The following SMAD1 variants were observed in gnomAD, a reference collection of about 807,000 sequenced individuals.
SMAD1 encodes SMAD family member 1.
A neutral mutation model predicts 41.6 loss-of-function variants in SMAD1; 6 were observed. The observed-to-expected ratio is 0.14, with a 90% CI of 0.08 to 0.28. The LOEUF is 0.28. Among genes scored for constraint, SMAD1 ranks in the 10% least tolerant of loss-of-function variants. The probability of loss-of-function intolerance (pLI) is 1.00; values close to 1 mark genes in which losing one functional copy is unlikely to be tolerated. For synonymous variants in SMAD1, 206 were observed against 203.2 expected, an observed-to-expected ratio of 1.01 and a Z score of -0.12; for missense variants, 379 against 582.6, an observed-to-expected ratio of 0.65 and a Z score of 3.60.
intron 1 of SMAD1, among the ~76,000 whole-genome samples, chr4:145,485,271 T>C (rs1281105106): frequency 6.6e-6 from 1 of 152,192 alleles, no homozygotes; most frequent in Non-Finnish European, 1.5e-5. Flanking sequence ...AGACAGGGTT[T>C]CGTCATGTTG....
At chr4:145,509,526 T>A (rs2126381876) in intron 1 of SMAD1, among the ~76,000 whole-genome samples, 1 of 152,332 alleles carries the variant, frequency 6.6e-6, no homozygotes, top group East Asian at 1.9e-4. Context: ...AGCCCCAAGT[T>A]ATTTTGATGC....
At chr4:145,552,601 C>A (rs1195220971) in intron 5 of SMAD1, among the ~76,000 whole-genome samples, 1 of 152,170 alleles carries the variant, frequency 6.6e-6, no homozygotes, top group Admixed American at 6.5e-5. Context: ...TAATTTTACA[C>A]ACACAGTATG....
intron 1 of SMAD1, among the ~76,000 whole-genome samples, chr4:145,508,055 T>C (rs2126373758): frequency 6.6e-6 from 1 of 151,700 alleles, no homozygotes; most frequent in South Asian, 2.1e-4. Context: ...CTGGCTTCTA[T>C]AATGTTTGGA....
At chr4:145,485,193 C>G (rs909702038) in intron 1 of SMAD1, among the ~76,000 whole-genome samples, 1 of 152,140 alleles carries the variant, frequency 6.6e-6, no homozygotes, top group Non-Finnish European at 1.5e-5. Context: ...TTCAGCCTCC[C>G]AAGTTGCTGG....
chr4:145,545,192 A>C (rs564159555), intron 4 of SMAD1: 3 of 152,160 alleles, frequency 2.0e-5, no homozygotes, highest in Non-Finnish European at 2.9e-5. Context: ...TTCATTCATT[A>C]CATATTGTCT....
At position 145,507,979 on chromosome 4, in the gene SMAD1, A is replaced by C. The variant is rs147943430; in HGVS notation, c.-176-6459A>C. 5.0e-3 allele frequency among the ~76,000 whole-genome samples: 767 copies of C among 151,992 alleles called. 11 individuals are homozygous for C. The highest frequency in any genetic ancestry group is 0.017 in the African/African-American group (685 of 41,462). ...CATTTTGTTTTGTCTGGGCATGTTT[A>C]TATGCAAAGTGCTGTGATCTTTCAC... is the stretch of plus-strand genomic sequence containing the variant. On this transcript the variant is annotated intron_variant, in intron 1 of 6. Coordinates refer to ENST00000302085, the MANE Select transcript of SMAD1 (RefSeq NM_005900.3).
At chr4:145,530,767 G>C (rs941032420) in intron 2 of SMAD1, among the ~76,000 whole-genome samples, 1 of 152,072 alleles carries the variant, frequency 6.6e-6, no homozygotes, top group African/African-American at 2.4e-5. Context: ...GATGGAAAAA[G>C]AATTTAAAAA....
intron 1 of SMAD1, among the ~76,000 whole-genome samples, chr4:145,501,590 GGA>G (rs1394479553): frequency 4.6e-5 from 7 of 151,864 alleles, no homozygotes; most frequent in Admixed American, 3.3e-4. Context: ...TGAGATCAGT[GGA>G]GCGAGAGAAA....
chr4:145,514,949 T>A lies in SMAD1; in HGVS notation c.336T>A (p.Pro112=). 1 of 1,613,996 alleles carries A rather than the reference T, an allele frequency of 6.2e-7. No homozygotes were observed. Among genetic ancestry groups the A allele is most frequent in the Non-Finnish European group, 8.5e-7 (1 of 1,179,988 alleles). ...ELKPLECCEF[P]FGSKQKEVCI... is the part of the protein sequence containing the mutation. ...AACCACTGGAATGCTGTGAGTTTCCTTTTGGTTCCAAGCAGAAGGAGGTCT... is the reference window on the plus strand; with the variant it reads ...AACCACTGGAATGCTGTGAGTTTCCATTTGGTTCCAAGCAGAAGGAGGTCT... The change falls in exon 2 of 7, where the codon CCT becomes CCA. Residue 112 remains proline (P), a synonymous_variant. Transcript: ENST00000302085. The surrounding 1 kb of genome is among the most constrained non-coding windows in gnomAD (Gnocchi z 4.7).
At chr4:145,524,776 G>T (rs548811493) in intron 2 of SMAD1, among the ~76,000 whole-genome samples, 3 of 82,762 alleles carry the variant, frequency 3.6e-5, no homozygotes, top group African/African-American at 1.5e-4. Flanking sequence ...GCCAGCAGCT[G>T]TTAAAAAGAA....
At chr4:145,511,861 C>T (rs1730096590) in intron 1 of SMAD1, among the ~76,000 whole-genome samples, 1 of 152,216 alleles carries the variant, frequency 6.6e-6, no homozygotes, top group African/African-American at 2.4e-5. Context: ...AGCTCTTCCT[C>T]ATTTCCTGCA....
chr4:145,554,567 A>G (rs1028858701), intron 6 of SMAD1, among the ~76,000 whole-genome samples: 2 of 152,196 alleles, frequency 1.3e-5, no homozygotes, highest in Non-Finnish European at 2.9e-5. Flanking sequence ...CTTACAATTC[A>G]GAAGTTAATA....
intron 1 of SMAD1, among the ~76,000 whole-genome samples, chr4:145,504,303 A>G (rs116349959): frequency 0.023 from 3,530 of 152,274 alleles, 68 homozygotes; most frequent in Middle Eastern, 0.041. Flanking sequence ...ATCAAAGAAC[A>G]TTGCTACTTT....
At chr4:145,521,766 A>G (rs893032195) in intron 2 of SMAD1, among the ~76,000 whole-genome samples, 2 of 152,128 alleles carry the variant, frequency 1.3e-5, no homozygotes, top group Non-Finnish European at 2.9e-5. Flanking sequence ...ATCAATGTCA[A>G]TATTTTGATT....
intron 2 of SMAD1, among the ~76,000 whole-genome samples, chr4:145,517,484 C>A (rs1322210452): frequency 2.0e-5 from 3 of 152,040 alleles, no homozygotes; most frequent in Non-Finnish European, 2.9e-5. Flanking sequence ...TTAGAATGTT[C>A]TTCACACTTA....
chr4:145,513,114 C>T (rs926817627), intron 1 of SMAD1: 2 of 152,218 alleles, frequency 1.3e-5, no homozygotes, highest in Non-Finnish European at 2.9e-5. Context: ...TAGTTTTTAG[C>T]CTCTTAGTTA....
chr4:145,536,049 T>C (rs1343212801), intron 2 of SMAD1, among the ~76,000 whole-genome samples: 3 of 152,110 alleles, frequency 2.0e-5, no homozygotes, highest in Non-Finnish European at 2.9e-5. Context: ...ATTTTATAAT[T>C]TCTGAAATTT....
intron 5 of SMAD1, among the ~76,000 whole-genome samples, chr4:145,547,366 T>G (rs1276547158): frequency 1.3e-5 from 2 of 152,168 alleles, no homozygotes; most frequent in African/African-American, 2.4e-5. Flanking sequence ...CTGCAGTGAT[T>G]GTACCCCCAC....
intron 2 of SMAD1, among the ~76,000 whole-genome samples, chr4:145,524,794 A>G (rs1730940154): frequency 6.6e-6 from 1 of 152,138 alleles, no homozygotes; most frequent in African/African-American, 2.4e-5. Flanking sequence ...GAAAACGAAA[A>G]AAAAAAAAAG....
Sources: allele counts gnomAD v4.1 joint callset (sites outside exome capture counted in the v4.1 genomes callset), GRCh38; gene constraint gnomAD v4.1.1; non-coding constraint Gnocchi (gnomAD v3.1); transcripts MANE v1.5; gene names NCBI Gene and HGNC (gene_info 2026-07-23, HGNC 2026-07-21).